Variants in SGCZ observed in about 807,000 individuals in gnomAD.
The protein encoded by SGCZ is sarcoglycan zeta.
In SGCZ, 40 loss-of-function variants were observed where a neutral mutation model predicts 41.3. The ratio of observed to expected loss-of-function variants is 0.97; its 90% confidence interval spans 0.75 to 1.26. SGCZ has a LOEUF of 1.26. Among genes scored for constraint, SGCZ ranks in the 50% most tolerant of loss-of-function variants. The pLI is 0.00. For synonymous variants in SGCZ, 206 were observed against 137.5 expected (o/e 1.50, Z -3.49); for missense variants, 552 against 369.8 (o/e 1.49, Z -4.04).
At chr8:14,961,837 A>G (rs1800976539) in intron 1 of SGCZ, among the ~76,000 whole-genome samples, 1 of 152,198 alleles carries the variant, frequency 6.6e-6, no homozygotes, top group Admixed American at 6.5e-5. Context: ...CAGACAACAC[A>G]GAAACTGCCT....
intron 3 of SGCZ, among the ~76,000 whole-genome samples, chr8:14,305,119 A>T (rs183654357): frequency 4.9e-4 from 75 of 152,290 alleles, no homozygotes; most frequent in African/African-American, 1.7e-3. Flanking sequence ...GATTTAGTAC[A>T]TATCTTATTT....
intron 1 of SGCZ, among the ~76,000 whole-genome samples, chr8:14,652,871 C>T (rs1020227): frequency 0.86 from 130,945 of 151,954 alleles, 58,424 homozygotes; most frequent in South Asian, 0.99. Context: ...ATCATTAACT[C>T]GATCCCTTAC....
At chr8:15,158,174 A>G (rs1799393316) in intron 1 of SGCZ, among the ~76,000 whole-genome samples, 1 of 152,020 alleles carries the variant, frequency 6.6e-6, no homozygotes, top group South Asian at 2.1e-4. Context: ...CACAAAAAAA[A>G]AAATGGTGAA....
intron 1 of SGCZ, among the ~76,000 whole-genome samples, chr8:14,963,397 G>C (rs1026298818): frequency 1.3e-5 from 2 of 151,240 alleles, no homozygotes; most frequent in African/African-American, 4.9e-5. Flanking sequence ...GGAGTCCAGC[G>C]GCACAATCTT....
intron 3 of SGCZ, among the ~76,000 whole-genome samples, chr8:14,315,641 T>G (rs13271573): frequency 6.6e-6 from 1 of 151,858 alleles, no homozygotes; most frequent in East Asian, 1.9e-4. Flanking sequence ...ACATGAGATG[T>G]GGCCTAAACA....
intron 1 of SGCZ, among the ~76,000 whole-genome samples, chr8:14,658,483 T>A (rs1807645800): frequency 6.6e-6 from 1 of 152,110 alleles, no homozygotes; most frequent in African/African-American, 2.4e-5. Flanking sequence ...TACCAGATGA[T>A]AAGATGCGCA....
intron 1 of SGCZ, among the ~76,000 whole-genome samples, chr8:14,926,076 AG>A: frequency 6.6e-6 from 1 of 152,372 alleles, no homozygotes; most frequent in East Asian, 1.9e-4. Flanking sequence ...AAGATAAATC[AG>A]GATTAATGTA....
At chr8:14,379,803 C>A (rs1394202383) in intron 2 of SGCZ, among the ~76,000 whole-genome samples, 1 of 152,030 alleles carries the variant, frequency 6.6e-6, no homozygotes. Context: ...TCGATCTCAG[C>A]ACACTGCAGC....
At chr8:14,855,564 C>T (rs1803519262) in intron 1 of SGCZ, among the ~76,000 whole-genome samples, 1 of 152,180 alleles carries the variant, frequency 6.6e-6, no homozygotes, top group African/African-American at 2.4e-5. Context: ...CATCTCTAGG[C>T]ATCCCTTCTA....
intron 1 of SGCZ, among the ~76,000 whole-genome samples, chr8:14,804,395 G>A (rs990347661): frequency 7.6e-6 from 1 of 132,318 alleles, no homozygotes; most frequent in South Asian, 2.9e-4. Flanking sequence ...GGAGCTGATG[G>A]AGCTGAAAAC....
At chr8:15,158,971 T>A (rs1318078049) in intron 1 of SGCZ, among the ~76,000 whole-genome samples, 1 of 152,182 alleles carries the variant, frequency 6.6e-6, no homozygotes, top group South Asian at 2.1e-4. Flanking sequence ...ATCCTTAAAA[T>A]CTCCAAAGTG....
intron 1 of SGCZ, among the ~76,000 whole-genome samples, chr8:14,686,496 T>C (rs1444678456): frequency 6.6e-6 from 1 of 151,992 alleles, no homozygotes; most frequent in Non-Finnish European, 1.5e-5. Flanking sequence ...CAGAAGGTAG[T>C]TGGAATTGAT....
chr8:14,312,884 G>A (rs1448827238), intron 3 of SGCZ, among the ~76,000 whole-genome samples: 2 of 152,088 alleles, frequency 1.3e-5, no homozygotes, highest in South Asian at 2.1e-4. Context: ...AACTATTAGA[G>A]TAAGTCAAGA....
chr8:14,103,967 G>A (rs1023804456), intron 6 of SGCZ, among the ~76,000 whole-genome samples: 1 of 152,032 alleles, frequency 6.6e-6, no homozygotes, highest in Non-Finnish European at 1.5e-5. Flanking sequence ...CTAGAACTAC[G>A]CAGACTCTTA....
In SGCZ at chr8:15,042,038, G is replaced by A. The variant is rs151327650; in HGVS notation, c.39+195547C>T. Among the ~76,000 whole-genome samples, 673 of 152,254 alleles carry A rather than the reference G, an allele frequency of 4.4e-3. 2 individuals are homozygous for A. Among genetic ancestry groups the A allele is most frequent in the Middle Eastern group, 0.014 (4 of 294 alleles). ...ATATTCTTTGGGTTTATTTTTAGCT[G>A]CATTCTCTTCTCTTTTTTTGCAGGA... On this transcript the variant is annotated intron_variant, in intron 1 of 7. Coordinates refer to ENST00000382080, the MANE Select transcript of SGCZ (RefSeq NM_139167.4).
chr8:15,000,514 A>G (rs1802378117), intron 1 of SGCZ, among the ~76,000 whole-genome samples: 1 of 152,164 alleles, frequency 6.6e-6, no homozygotes, highest in African/African-American at 2.4e-5. Flanking sequence ...AGCTGCAGAC[A>G]TAGACAAGCA....
At chr8:15,136,882 C>T (rs1027116261) in intron 1 of SGCZ, among the ~76,000 whole-genome samples, 4 of 152,034 alleles carry the variant, frequency 2.6e-5, no homozygotes, top group Non-Finnish European at 4.4e-5. Context: ...TATAAGGGTA[C>T]TGGAAAATGT....
chr8:14,154,443 G>A (rs1404293387), intron 5 of SGCZ, among the ~76,000 whole-genome samples: 2 of 152,224 alleles, frequency 1.3e-5, no homozygotes, highest in East Asian at 1.9e-4. Context: ...CTCAGTTCAT[G>A]GTATTTTGTT....
At chr8:14,613,444 T>G (rs1182279850) in intron 1 of SGCZ, among the ~76,000 whole-genome samples, 4 of 152,172 alleles carry the variant, frequency 2.6e-5, no homozygotes, top group Admixed American at 6.5e-5. Flanking sequence ...AATCATGCTC[T>G]TTTGGGACCA....
Sources: allele counts gnomAD v4.1 joint callset (sites outside exome capture counted in the v4.1 genomes callset), GRCh38; gene constraint gnomAD v4.1.1; transcripts MANE v1.5; gene names NCBI Gene and HGNC (gene_info 2026-07-23, HGNC 2026-07-21).